Variants in NAV1 observed in about 807,000 individuals in gnomAD.
NAV1 encodes pore membrane and/or filament interacting like protein 3.
In NAV1, 18 loss-of-function variants were observed where a neutral mutation model predicts 175.2. That is an observed-to-expected ratio of 0.10 (90% CI 0.07 to 0.15). The LOEUF is 0.15. Among genes scored for constraint, NAV1 ranks in the 10% least tolerant of loss-of-function variants. The pLI is 1.00. For synonymous variants in NAV1, 897 were observed against 978.7 expected, an observed-to-expected ratio of 0.92 and a Z score of 1.56; for missense variants, 1,731 against 2,436.6, an observed-to-expected ratio of 0.71 and a Z score of 6.10.
chr1:201,756,843 T>C (rs1674522108), intron 3 of NAV1, among the ~76,000 whole-genome samples: 1 of 122,032 alleles, frequency 8.2e-6, no homozygotes, highest in African/African-American at 2.8e-5. Flanking sequence ...TTTCTTTCTT[T>C]CTTTCTTTCT....
intron 2 of NAV1, among the ~76,000 whole-genome samples, chr1:201,595,254 C>A (rs1279867986): frequency 6.6e-6 from 1 of 152,204 alleles, no homozygotes; most frequent in African/African-American, 2.4e-5. Flanking sequence ...TTCTGTGGGC[C>A]CTGACAGTGT....
intron 1 of NAV1, among the ~76,000 whole-genome samples, chr1:201,576,977 G>A (rs1377803955): frequency 6.6e-6 from 1 of 152,040 alleles, no homozygotes; most frequent in East Asian, 1.9e-4. Context: ...TGAATTGTTT[G>A]GTTTTTGGTG....
At chr1:201,734,983 G>A (rs888432743) in intron 3 of NAV1, among the ~76,000 whole-genome samples, 11 of 152,136 alleles carry the variant, frequency 7.2e-5, no homozygotes, top group East Asian at 3.9e-4. Flanking sequence ...AGGTCTCCTC[G>A]AAGGTTATAT....
intron 7 of NAV1, among the ~76,000 whole-genome samples, chr1:201,784,569 AT>A (rs35341000): frequency 0.063 from 8,659 of 136,678 alleles, 258 homozygotes; most frequent in South Asian, 0.097. Context: ...AATACGATCT[AT>A]TTTTTTTTTT....
intron 17 of NAV1, 70 bp downstream of exon 21, chr1:201,804,567 A>T: frequency 2.0e-6 from 2 of 996,502 alleles, no homozygotes; most frequent in Admixed American, 3.0e-5. Flanking sequence ...TTCCAGAGCA[A>T]CTCCCTTCCC....
At chr1:201,682,691 C>A (rs1418188677) in intron 1 of NAV1, among the ~76,000 whole-genome samples, 1 of 151,322 alleles carries the variant, frequency 6.6e-6, no homozygotes, top group Admixed American at 6.6e-5. Context: ...CCCGGGAATA[C>A]TTTATTTTCA....
intron 1 of NAV1, among the ~76,000 whole-genome samples, chr1:201,684,326 A>G (rs1558064192): frequency 6.6e-6 from 1 of 152,120 alleles, no homozygotes; most frequent in Non-Finnish European, 1.5e-5. Flanking sequence ...ATATTAACCC[A>G]TGTATGTAAA....
intron 17 of NAV1, among the ~76,000 whole-genome samples, chr1:201,805,979 C>T (rs903564475): frequency 8.1e-6 from 1 of 123,374 alleles, no homozygotes; most frequent in African/African-American, 3.2e-5. Context: ...TGCATTTTCT[C>T]TCTCTCTCTC....
chr1:201,611,127 C>A (rs1406317280), intron 2 of NAV1, among the ~76,000 whole-genome samples: 1 of 152,218 alleles, frequency 6.6e-6, no homozygotes, highest in Non-Finnish European at 1.5e-5. Context: ...AGGCTCTGCC[C>A]ACTCTGCCCA....
At position 201,740,548 on chromosome 1, in the gene NAV1, G is replaced by A. The variant is rs1429412760; in HGVS notation, c.1226+21793G>A. On this transcript the variant is annotated intron_variant, in intron 3 of 29. Coordinates refer to ENST00000367296, the Ensembl canonical transcript of NAV1. The surrounding 1 kb of genome is among the most constrained non-coding windows in gnomAD (Gnocchi z 4.7). ...GCCCTGCCAAGGTCACCCTAGTTCCGGAAGCTCCGGGGGTCGTCCTGGGGT... is the reference window on the plus strand; with the variant it reads ...GCCCTGCCAAGGTCACCCTAGTTCCAGAAGCTCCGGGGGTCGTCCTGGGGT... Among the ~76,000 whole-genome samples the A allele has an allele frequency of 6.6e-6, 1 of 152,142 alleles. No homozygotes were observed. The highest frequency in any genetic ancestry group is 2.4e-5 in the African/African-American group (1 of 41,432).
chr1:201,736,017 C>T (rs1673100166), intron 3 of NAV1, among the ~76,000 whole-genome samples: 1 of 152,150 alleles, frequency 6.6e-6, no homozygotes, highest in South Asian at 2.1e-4. Flanking sequence ...CTGTAAAATG[C>T]CCATTGTCCT....
intron 1 of NAV1, among the ~76,000 whole-genome samples, chr1:201,544,139 A>C (rs1369119423): frequency 6.6e-6 from 1 of 152,156 alleles, no homozygotes; most frequent in East Asian, 1.9e-4. Flanking sequence ...GGAGCTTTTA[A>C]AAATGACCAA....
chr1:201,567,827 C>T (rs926305220), intron 1 of NAV1, among the ~76,000 whole-genome samples: 1 of 152,110 alleles, frequency 6.6e-6, no homozygotes, highest in African/African-American at 2.4e-5. Context: ...ACCCCAAAGC[C>T]TTGTGTGTAT....
At chr1:201,730,267 C>T (rs239995) in intron 3 of NAV1, among the ~76,000 whole-genome samples, 133,887 of 152,334 alleles carry the variant, frequency 0.88, 59,216 homozygotes, top group Middle Eastern at 0.92. Flanking sequence ...GTGAATTAGA[C>T]ATTCTTCCCC....
At chr1:201,659,921 T>C (rs1306674082) in intron 1 of NAV1, among the ~76,000 whole-genome samples, 1 of 152,210 alleles carries the variant, frequency 6.6e-6, no homozygotes, top group African/African-American at 2.4e-5. Context: ...GGCATTGCCA[T>C]GGGATTCCAT....
intron 3 of NAV1, among the ~76,000 whole-genome samples, chr1:201,725,106 T>C (rs1306808738): frequency 6.6e-6 from 1 of 152,212 alleles, no homozygotes; most frequent in African/African-American, 2.4e-5. Context: ...GGCTCATGTC[T>C]GACTCTCAGA....
chr1:201,549,135 CTTTCTTTCT>C (rs1665766629), intron 1 of NAV1, among the ~76,000 whole-genome samples: 1 of 131,168 alleles, frequency 7.6e-6, no homozygotes, highest in Admixed American at 8.1e-5. Context: ...TTCTTTCTTT[CTTTCTTTCT>C]TCTTTCTCTC....
At position 201,765,243 on chromosome 1, in the gene NAV1, C is replaced by A. The variant is rs116031252; in HGVS notation, c.1227-15178C>A. ...TTCTAAGTGCCATACAGAACTCTGT[C>A]AGTCACTATAACTGAGTGACTTAAA... is the stretch of plus-strand genomic sequence containing the variant. On this transcript the variant is annotated intron_variant, in intron 3 of 29. Coordinates refer to ENST00000367296, the Ensembl canonical transcript of NAV1. Among the ~76,000 whole-genome samples, 1,276 of 152,182 alleles carry A rather than the reference C, an allele frequency of 8.4e-3. 18 individuals are homozygous for A. The highest frequency in any genetic ancestry group is 0.029 in the African/African-American group (1,187 of 41,524).
chr1:201,618,764 C>T (rs112641070), upstream of NAV1, among the ~76,000 whole-genome samples: 2 of 152,216 alleles, frequency 1.3e-5, no homozygotes, highest in African/African-American at 2.4e-5. Context: ...GGTACTAAAA[C>T]TTACTTTGTA....
Sources: gnomAD v4.1 joint callset for allele counts (sites outside exome capture counted in the v4.1 genomes callset) on GRCh38, gnomAD v4.1.1 for gene constraint, Gnocchi (gnomAD v3.1) non-coding constraint, MANE v1.5 for transcripts, NCBI Gene and HGNC (gene_info 2026-07-23, HGNC 2026-07-21) for gene names.